Variants in SYNDIG1L observed in about 807,000 individuals in gnomAD.
The protein encoded by SYNDIG1L is synapse differentiation-inducing gene protein 1-like.
SYNDIG1L carries 13 observed loss-of-function variants against 20.1 expected under a neutral mutation model. The ratio of observed to expected loss-of-function variants is 0.65; its 90% CI spans 0.42 to 1.03. SYNDIG1L has a LOEUF of 1.03. Among genes scored for constraint, SYNDIG1L ranks in the 50% least tolerant of loss-of-function variants. The pLI, the probability that SYNDIG1L is intolerant of heterozygous loss-of-function variation, is 0.00. For missense variants in SYNDIG1L, 294 were observed against 305.1 expected (o/e 0.96, Z 0.27); for synonymous variants, 128 against 129.3 (o/e 0.99, Z 0.07).
intron 1 of SYNDIG1L, among the ~76,000 whole-genome samples, chr14:74,419,263 A>G (rs1280723883): frequency 6.6e-6 from 1 of 152,134 alleles, no homozygotes; most frequent in Non-Finnish European, 1.5e-5. Context: ...CTCTATTTAT[A>G]TATGTGTGAT....
At chr14:74,445,743 C>A in the SYNDIG1L span, among the ~76,000 whole-genome samples, 1 of 152,138 alleles carries the variant, frequency 6.6e-6, no homozygotes, top group Non-Finnish European at 1.5e-5. Context: ...TCCCAAAGTG[C>A]TGGGATTACA....
At chr14:74,479,654 C>A in the SYNDIG1L span, 1 of 162,224 alleles carries the variant, frequency 6.2e-6, no homozygotes, top group Non-Finnish European at 1.4e-5. Flanking sequence ...GCCCTCCCCA[C>A]CAAATTCAGT....
Position 74,407,342 on chromosome 14 carries a change from C to T in SYNDIG1L, c.*193G>A. On this transcript the variant is annotated 3_prime_UTR_variant, in exon 4 of 4. Coordinates refer to ENST00000331628, the MANE Select transcript of SYNDIG1L (RefSeq NM_001105579.2). ...AGAGAGTGGCGCCCCGGGCCCTGCT[C>T]TGGGGCTGGGAGCAGCGGGCAAGCA... 1 of 801,380 alleles carries T rather than the reference C, an allele frequency of 1.2e-6. No homozygotes were observed. The highest frequency in any genetic ancestry group is 1.9e-6 in the Non-Finnish European group (1 of 519,026). The allele number at this position is 801,380 out of a possible 1,614,324, so 49.6% of individuals were successfully genotyped here.
In SYNDIG1L at chr14:74,409,798, G is replaced by T; in HGVS notation, c.-54C>A. The T allele has an allele frequency of 7.2e-7, 1 of 1,394,602 alleles. No individual in the cohort carries two copies. Among genetic ancestry groups the T allele is most frequent in the Non-Finnish European group, 9.4e-7 (1 of 1,069,206 alleles). The allele number at this position is 1,394,602 out of a possible 1,614,324, so 86.4% of individuals were successfully genotyped here. A position where few individuals can be genotyped will look rare whatever the true frequency, so the allele number is the denominator to read the frequency against. On this transcript the variant is annotated 5_prime_UTR_variant, in exon 2 of 4. It adds an upstream start codon to the 5' untranslated region. Coordinates refer to ENST00000331628, the MANE Select transcript of SYNDIG1L (RefSeq NM_001105579.2). ...GCCTGGGCCAGCTGAGCAGTCCTCAGAGCCTGTCAGAAGAGCAAGACAGAC... is the reference window on the plus strand; with the variant it reads ...GCCTGGGCCAGCTGAGCAGTCCTCATAGCCTGTCAGAAGAGCAAGACAGAC...
the SYNDIG1L span, among the ~76,000 whole-genome samples, chr14:74,456,078 C>T: frequency 6.6e-6 from 1 of 152,204 alleles, no homozygotes; most frequent in East Asian, 1.9e-4. Context: ...ATGGTTATAT[C>T]GCTCAGCTCT....
the SYNDIG1L span, among the ~76,000 whole-genome samples, chr14:74,465,417 C>T: frequency 6.6e-6 from 1 of 152,192 alleles, no homozygotes; most frequent in Non-Finnish European, 1.5e-5. Flanking sequence ...CTTCCAATGG[C>T]CCCACCATTG....
chr14:74,411,038 G>A (rs2086126773), intron 1 of SYNDIG1L, among the ~76,000 whole-genome samples: 1 of 152,176 alleles, frequency 6.6e-6, no homozygotes, highest in African/African-American at 2.4e-5. Flanking sequence ...TGCAAGTGGG[G>A]TATGGAGAGA....
the SYNDIG1L span, among the ~76,000 whole-genome samples, chr14:74,443,190 G>T: frequency 2.0e-5 from 3 of 152,290 alleles, no homozygotes; most frequent in African/African-American, 7.2e-5. Flanking sequence ...TGGTTGAGAA[G>T]AATGAACCTG....
chr14:74,462,690 G>A, the SYNDIG1L span, among the ~76,000 whole-genome samples: 4 of 151,980 alleles, frequency 2.6e-5, no homozygotes, highest in African/African-American at 9.7e-5. Context: ...ATTTTTTACA[G>A]AGACAGGGTT....
the SYNDIG1L span, chr14:74,479,944 G>C: frequency 7.9e-7 from 1 of 1,270,500 alleles, no homozygotes; most frequent in Non-Finnish European, 1.0e-6. Flanking sequence ...CCCACATGCA[G>C]AAGACAAGAC....
At chr14:74,456,117 G>T in the SYNDIG1L span, among the ~76,000 whole-genome samples, 1 of 152,200 alleles carries the variant, frequency 6.6e-6, no homozygotes, top group Non-Finnish European at 1.5e-5. Flanking sequence ...AGGAAAGAGT[G>T]AGGGCCTGGC....
At chr14:74,468,971 G>C in the SYNDIG1L span, among the ~76,000 whole-genome samples, 1 of 152,052 alleles carries the variant, frequency 6.6e-6, no homozygotes, top group Non-Finnish European at 1.5e-5. Flanking sequence ...GACAGGATTG[G>C]TATCTCTGCA....
At chr14:74,477,610 T>G in the SYNDIG1L span, among the ~76,000 whole-genome samples, 4 of 147,518 alleles carry the variant, frequency 2.7e-5, no homozygotes, top group South Asian at 6.8e-4. Context: ...TACTCCATGC[T>G]TGTTGCTTTT....
the SYNDIG1L span, among the ~76,000 whole-genome samples, chr14:74,459,144 G>A: frequency 6.6e-6 from 1 of 152,042 alleles, no homozygotes; most frequent in Non-Finnish European, 1.5e-5. Context: ...GAGGGGAGAG[G>A]GCACGGTAGG....
the SYNDIG1L span, among the ~76,000 whole-genome samples, chr14:74,441,450 C>T: frequency 0.56 from 84,558 of 151,938 alleles, 24,187 homozygotes; most frequent in African/African-American, 0.7. Context: ...CTGTTACGAC[C>T]TTGCTGTGTG....
At chr14:74,465,655 C>T in the SYNDIG1L span, among the ~76,000 whole-genome samples, 1 of 152,164 alleles carries the variant, frequency 6.6e-6, no homozygotes, top group African/African-American at 2.4e-5. Context: ...AGGCAACATC[C>T]AGGTTCTGAC....
chr14:74,460,599 A>G, the SYNDIG1L span, among the ~76,000 whole-genome samples: 2 of 151,288 alleles, frequency 1.3e-5, no homozygotes, highest in Non-Finnish European at 3.0e-5. Context: ...CCTCGTATTG[A>G]CCCTTCCTGT....
Position 74,406,142 on chromosome 14 carries a change from C to A in SYNDIG1L, c.*1393G>T, listed in dbSNP as rs2086077047. 2.5e-6 allele frequency: 1 copy of A among 398,698 alleles called. No individual in the cohort carries two copies. Among genetic ancestry groups the A allele is most frequent in the Non-Finnish European group, 4.4e-6 (1 of 226,252 alleles). The allele number at this position is 398,698 out of a possible 1,614,324, so 24.7% of individuals were successfully genotyped here. The stretch of plus-strand genomic sequence containing the variant: ...GACAGGCCTGCCCACATTGGTGCTG[C>A]CCCCCGCCTACCTGGAGATGTCTCT... On this transcript the variant is annotated 3_prime_UTR_variant, in exon 4 of 4. Coordinates refer to ENST00000331628, the MANE Select transcript of SYNDIG1L (RefSeq NM_001105579.2).
chr14:74,468,325 G>A, the SYNDIG1L span, among the ~76,000 whole-genome samples: 1 of 152,146 alleles, frequency 6.6e-6, no homozygotes, highest in Non-Finnish European at 1.5e-5. Flanking sequence ...ATTACTCGTG[G>A]CCAGAAGGCT....
Sources: gnomAD v4.1 joint callset for allele counts (sites outside exome capture counted in the v4.1 genomes callset) on GRCh38, gnomAD v4.1.1 for gene constraint, MANE v1.5 for transcripts, NCBI Gene and HGNC (gene_info 2026-07-23, HGNC 2026-07-21) for gene names.